Variants in TUBE1 observed in about 807,000 individuals in gnomAD.
TUBE1 encodes the protein tubulin epsilon 1.
TUBE1 carries 34 observed loss-of-function variants against 53.5 expected under a neutral mutation model. That is an observed-to-expected ratio of 0.64 (90% confidence interval 0.48 to 0.85). The LOEUF is 0.85. Among genes scored for constraint, TUBE1 ranks in the 40% least tolerant of loss-of-function variants. TUBE1 has a pLI of 0.00. For synonymous variants in TUBE1, 177 were observed against 198.4 expected, an observed-to-expected ratio of 0.89 and a Z score of 0.91; for missense variants, 532 against 570.5, an observed-to-expected ratio of 0.93 and a Z score of 0.69.
intron 3 of TUBE1, chr6:112,085,754 T>C: frequency 2.1e-6 from 1 of 470,350 alleles, no homozygotes; most frequent in Non-Finnish European, 4.4e-6. Flanking sequence ...CTACAAAAGA[T>C]AAAGTAATGT....
At chr6:112,074,604 AGAT>A in intron 9 of TUBE1, 103 bp downstream of exon 9, 1 of 771,088 alleles carries the variant, frequency 1.3e-6, no homozygotes, top group Non-Finnish European at 1.9e-6. Context: ...CTCACAGATA[AGAT>A]GATACAATTA....
intron 6 of TUBE1, chr6:112,079,274 T>C (rs1482239913): frequency 6.1e-6 from 1 of 162,908 alleles, no homozygotes; most frequent in African/African-American, 2.4e-5. Context: ...GAAATAGGAC[T>C]GTACAGGCAA....
In TUBE1 at chr6:112,075,941, T is replaced by C. The variant is rs369356249; in HGVS notation, c.808A>G (p.Thr270Ala). 1.2e-6 allele frequency: 2 copies of C among 1,606,920 alleles called. No homozygotes were observed. Among genetic ancestry groups the C allele is most frequent in the Non-Finnish European group, 1.7e-6 (2 of 1,176,082 alleles). ...ACTATCCCTGGATAGAATTACCTCG[T>C]TAGGTTGAGGAGCAAATTTGCCACA... The part of the protein sequence containing the change: ...NIVANLLLNL[T>A]SSARFEGSLN... The change falls in exon 8 of 12, where the codon ACG (threonine) becomes GCG (alanine). Residue 270 changes from threonine to alanine, a missense_variant. Coordinates refer to ENST00000368662, the MANE Select transcript of TUBE1 (RefSeq NM_016262.5).
At chr6:112,083,468 G>A (rs1052517147) in intron 4 of TUBE1, among the ~76,000 whole-genome samples, 4 of 151,834 alleles carry the variant, frequency 2.6e-5, no homozygotes, top group Non-Finnish European at 4.4e-5. Flanking sequence ...ACAGGTGCCC[G>A]CCACCTCGCC....
intron 6 of TUBE1, chr6:112,077,411 G>A (rs1776989640): frequency 6.6e-6 from 1 of 152,118 alleles, no homozygotes. Context: ...CTAATCCGAT[G>A]TTTTTCAAAC....
At position 112,086,630 on chromosome 6, in the gene TUBE1, A is replaced by G. The variant is rs782183637; in HGVS notation, c.100-22T>C. On this transcript the variant is annotated intron_variant, in intron 2 of 11. Coordinates refer to ENST00000368662, the MANE Select transcript of TUBE1 (RefSeq NM_016262.5). Reference sequence around the variant, plus strand: ...CTTTCTAAAAAGAAAAACATATGTTAATAGCATTTAGGTTTTGCTTCTCGC... The same window carrying G: ...CTTTCTAAAAAGAAAAACATATGTTGATAGCATTTAGGTTTTGCTTCTCGC... The G allele has an allele frequency of 3.2e-6, 5 of 1,544,518 alleles. No homozygotes were observed. In the East Asian group the frequency reaches 6.7e-5, roughly 21 times the overall value.
chr6:112,084,233 C>A lies in TUBE1; in HGVS notation c.166G>T (p.Gly56Cys). ...RNVDTRVVGD[G>C]GSISKGKICS... ...ATTTTTCCCTTGGAAATACTTCCAC[C>A]ATCACCAACCACTCTGAAAGATAAA... Residue 56 changes from glycine (G) to cysteine (C), a missense_variant, in exon 4 of 12, where the codon GGT becomes TGT. Transcript: ENST00000368662. 1 of 1,613,218 alleles carries A rather than the reference C, an allele frequency of 6.2e-7. No homozygotes were observed. Among genetic ancestry groups the A allele is most frequent in the Admixed American group, 1.7e-5 (1 of 59,996 alleles).
chr6:112,084,154 C>T, intron 4 of TUBE1, 35 bp downstream of exon 4: 2 of 1,483,120 alleles, frequency 1.3e-6, no homozygotes, highest in Non-Finnish European at 1.9e-6. Context: ...TTAAAAAATA[C>T]ATGTAATATA....
chr6:112,083,284 A>C (rs1777098027), intron 4 of TUBE1, among the ~76,000 whole-genome samples: 1 of 150,798 alleles, frequency 6.6e-6, no homozygotes, highest in Non-Finnish European at 1.5e-5. Flanking sequence ...CTACTACACC[A>C]GGTCTGATCC....
intron 4 of TUBE1, among the ~76,000 whole-genome samples, chr6:112,082,372 T>G (rs1280645676): frequency 6.6e-6 from 1 of 152,136 alleles, no homozygotes; most frequent in Non-Finnish European, 1.5e-5. Context: ...ATGGGCAAAT[T>G]TTAGTACTAC....
Position 112,079,494 on chromosome 6 carries a change from G to GT in TUBE1, c.448+138dup, listed in dbSNP as rs1196241553. On this transcript the variant is annotated intron_variant, in intron 6 of 11. Transcript: ENST00000368662. ...AAAATTTTAAGATAAAAAGGTGTAT[G>GT]TTTATATACTCAAACTACACACCCT... 5.8e-6 allele frequency: 4 copies of GT among 685,920 alleles called. No individual in the cohort carries two copies. The East Asian group carries it at 1.3e-4, about 21-fold the overall frequency. 42.5% of individuals were successfully genotyped at this position (685,920 alleles called of 1,614,324 possible).
Position 112,072,870 on chromosome 6 carries a change from T to C in TUBE1, c.982A>G (p.Ser328Gly). 1.9e-6 allele frequency: 3 copies of C among 1,613,372 alleles called. No homozygotes were observed. Among genetic ancestry groups the C allele is most frequent in the Non-Finnish European group, 2.5e-6 (3 of 1,179,668 alleles). The change falls in exon 10 of 12, where the codon AGT becomes GGT. Residue 328 changes from serine (S) to glycine (G), a missense_variant. Coordinates refer to ENST00000368662, the MANE Select transcript of TUBE1 (RefSeq NM_016262.5). The stretch of plus-strand genomic sequence containing the variant: ...GCCCGAAGCAGCTGGTGATCTTTAC[T>C]AAAGGCATCTGAAAACATCTGATCC... ...RLDQMFSDAF[S>G]KDHQLLRADP...
intron 9 of TUBE1, among the ~76,000 whole-genome samples, chr6:112,073,659 T>C (rs1382047129): frequency 6.6e-6 from 1 of 152,204 alleles, no homozygotes; most frequent in Non-Finnish European, 1.5e-5. Context: ...GCTGTTGGCT[T>C]AGATGAAAAC....
rs373631001 is a variant in TUBE1 at position 112,076,277 on chromosome 6, G to C, written c.636+45C>G. The C allele has an allele frequency of 1.7e-3, 2,544 of 1,503,524 alleles. 7 individuals are homozygous for C. The highest frequency in any genetic ancestry group is 2.1e-3 in the Non-Finnish European group (2,346 of 1,118,164). 93.1% of individuals were successfully genotyped at this position (1,503,524 alleles called of 1,614,324 possible). ...AAACACACATACATAATACAGGACT[G>C]AATATATATAACATTTATTCATAAG... On this transcript the variant is annotated intron_variant, in intron 7 of 11. Transcript: ENST00000368662.
intron 8 of TUBE1, 59 bp from the exon 9 acceptor site, chr6:112,074,909 G>T: frequency 8.2e-7 from 1 of 1,217,162 alleles, no homozygotes; most frequent in Non-Finnish European, 1.1e-6. Context: ...CACTTTAAAT[G>T]TAGCTCGATT....
chr6:112,071,870 C>A, intron 11 of TUBE1, 32 bp downstream of exon 11: 1 of 1,552,898 alleles, frequency 6.4e-7, no homozygotes. Context: ...CCAAAATAAA[C>A]ACATACAGTT....
Position 112,073,228 on chromosome 6 carries a change from A to T in TUBE1, c.954-330T>A, listed in dbSNP as rs114063229. Among the ~76,000 whole-genome samples the T allele has an allele frequency of 1.7e-3, 260 of 152,236 alleles. 3 individuals are homozygous for T. Among genetic ancestry groups the T allele is most frequent in the African/African-American group, 6.1e-3 (254 of 41,550 alleles). On this transcript the variant is annotated intron_variant, in intron 9 of 11. Transcript: ENST00000368662. Reference sequence around the variant, plus strand: ...GATTTTTGAAACTTGTATTATTATTACTTAGTTCGGTATACCTTATTTATT... The same window carrying T: ...GATTTTTGAAACTTGTATTATTATTTCTTAGTTCGGTATACCTTATTTATT...
chr6:112,075,856 A>G (rs1276205406), intron 8 of TUBE1, 81 bp downstream of exon 8: 2 of 1,284,076 alleles, frequency 1.6e-6, no homozygotes, highest in Non-Finnish European at 2.1e-6. Context: ...AATTTAGAAT[A>G]ACTAAAAAAT....
Position 112,074,711 on chromosome 6 carries a change from T to C in TUBE1, c.952A>G (p.Arg318Gly). 1.3e-6 allele frequency: 2 copies of C among 1,520,736 alleles called. No individual in the cohort carries two copies. The highest frequency in any genetic ancestry group is 1.8e-6 in the Non-Finnish European group (2 of 1,136,032). 94.2% of individuals were successfully genotyped at this position (1,520,736 alleles called of 1,614,324 possible). A position where few individuals can be genotyped will look rare whatever the true frequency, so the allele number is the denominator to read the frequency against. ...AATTGAAACAAAGTTACACCTTACC[T>C]TCTAGGAGGAATGTTAACATCTGTC... ...TLTDVNIPPR[R>G]LDQMFSDAFS... The change falls in exon 9 of 12, where the codon AGA (arginine) becomes GGA (glycine). Residue 318 changes from arginine to glycine, a missense_variant and splice_region_variant. By Grantham distance (125) the Arg-to-Gly change is moderately radical. Coordinates refer to ENST00000368662, the MANE Select transcript of TUBE1 (RefSeq NM_016262.5).
Sources: allele counts gnomAD v4.1 joint callset (sites outside exome capture counted in the v4.1 genomes callset), GRCh38; gene constraint gnomAD v4.1.1; transcripts MANE v1.5; gene names NCBI Gene and HGNC (gene_info 2026-07-23, HGNC 2026-07-21).